The following MMP3 variants were observed in gnomAD, a reference collection of about 807,000 sequenced individuals.
MMP3 encodes matrix metallopeptidase 3.
MMP3 carries 46 observed loss-of-function variants against 47.3 expected under a neutral mutation model. The ratio of observed to expected loss-of-function variants is 0.97; its 90% CI spans 0.77 to 1.24. MMP3 has a LOEUF of 1.24. Among genes scored for constraint, MMP3 ranks in the 50% most tolerant of loss-of-function variants. The pLI is 0.00. For missense variants in MMP3, 558 were observed against 565.5 expected (o/e 0.99, Z 0.13); for synonymous variants, 216 against 206.5 (o/e 1.05, Z -0.39).
In MMP3 at chr11:102,836,593, T is replaced by C. The variant is rs1858886638; in HGVS notation, c.1334-367A>G. On this transcript the variant is annotated intron_variant, in intron 9 of 9. Coordinates refer to ENST00000299855, the MANE Select transcript of MMP3 (RefSeq NM_002422.5). This position sits in a 1 kb window ranked among gnomAD's most constrained non-coding sequence, Gnocchi z 4.6. ...GCTTCCGATCAGATAAATTCTCCAC[T>C]TGCTTGGAAACTCTCATCACCTATT... 1 of 478,602 alleles carries C rather than the reference T, an allele frequency of 2.1e-6. No individual in the cohort carries two copies. Among genetic ancestry groups the C allele is most frequent in the Non-Finnish European group, 4.3e-6 (1 of 232,586 alleles). 29.6% of individuals were successfully genotyped at this position (478,602 alleles called of 1,614,324 possible).
At position 102,837,239 on chromosome 11, in the gene MMP3, C is replaced by G. The variant is rs1377347507; in HGVS notation, c.1333+59G>C. 9 of 1,332,048 alleles carry G rather than the reference C, an allele frequency of 6.8e-6. No individual in the cohort carries two copies. The East Asian group carries it at 1.8e-4, about 27-fold the overall frequency. The allele number at this position is 1,332,048 out of a possible 1,614,324, so 82.5% of individuals were successfully genotyped here. A position where few individuals can be genotyped will look rare whatever the true frequency, so the allele number is the denominator to read the frequency against. On this transcript the variant is annotated intron_variant, in intron 9 of 9. Transcript: ENST00000299855. This position sits in a 1 kb window ranked among gnomAD's most constrained non-coding sequence, Gnocchi z 4.4. ...TAAAAAGTTTCAATGCTCCTCTTCC[C>G]TCTGATATCATAAAATGTTTCAAGT...
chr11:102,839,971 C>T (rs1555005167), intron 6 of MMP3, 137 bp downstream of exon 6: 2 of 939,944 alleles, frequency 2.1e-6, no homozygotes, highest in African/African-American at 3.4e-5. Context: ...AAAGGCAGCA[C>T]CAGATCTAAA....
chr11:102,842,110 A>G (rs1054028172), intron 4 of MMP3, 44 bp downstream of exon 4: 1 of 1,476,370 alleles, frequency 6.8e-7, no homozygotes, highest in Non-Finnish European at 9.0e-7. Context: ...TTCTACATAT[A>G]AAAAAATTAA....
chr11:102,838,179 G>A (rs536033424), intron 8 of MMP3, among the ~76,000 whole-genome samples: 1 of 152,258 alleles, frequency 6.6e-6, no homozygotes, highest in East Asian at 1.9e-4. Context: ...ACGCTAAATT[G>A]CGGTCTGGGT....
chr11:102,840,466 C>T lies in MMP3; in HGVS notation c.753G>A (p.Leu251=), dbSNP rs377725611. ...HSLTDLTRFR[L]SQDDINGIQS... ...GAATGCCATTTATATCATCTTGAGA[C>T]AGGCGGAACCGAGTCAGGTCTGTGA... Residue 251 remains leucine (L), a synonymous_variant, in exon 5 of 10, where the codon CTG becomes CTA. Transcript: ENST00000299855. The T allele has an allele frequency of 8.1e-6, 13 of 1,613,956 alleles. No homozygotes were observed. The highest frequency in any genetic ancestry group is 1.6e-4 in the Middle Eastern group (1 of 6,080).
In MMP3 at chr11:102,838,649, G is replaced by C. The variant is rs41516350; in HGVS notation, c.1131C>G (p.His377Gln). 1 of 1,614,006 alleles carries C rather than the reference G, an allele frequency of 6.2e-7. No individual in the cohort carries two copies. Among genetic ancestry groups the C allele is most frequent in the South Asian group, 1.1e-5 (1 of 91,068 alleles). Residue 377 changes from histidine (H) to glutamine (Q), a missense_variant, in exon 8 of 10, where the codon CAC becomes CAG. By Grantham distance (24) the His-to-Gln change is conservative (BLOSUM62 0). Transcript: ENST00000299855. ...TCACGGTTGGAGGGAAACCTAGGGT[G>C]TGGATGCCTCTTGGGTATCCAGCTC... is the stretch of plus-strand genomic sequence containing the variant. The part of the protein sequence containing the change: ...EVRAGYPRGI[H>Q]TLGFPPTVRK...
At chr11:102,842,408 T>TTTTTTTTTTTTTTTTTTTTC in intron 3 of MMP3, 23 bp downstream of exon 3, 1 of 960,112 alleles carries the variant, frequency 1.0e-6, no homozygotes, top group Non-Finnish European at 1.4e-6. Context: ...GTTTTGCTTT[T>TTTTTTTTTTTTTTTTTTTTC]TTTTTTTTTT....
At chr11:102,842,403 G>C (rs113615057) in intron 3 of MMP3, 28 bp downstream of exon 3, 12 of 918,464 alleles carry the variant, frequency 1.3e-5, no homozygotes, top group Non-Finnish European at 1.3e-5. Context: ...GTTTTGTTTT[G>C]CTTTTTTTTT....
rs568408300 is a variant in MMP3 at position 102,837,075 on chromosome 11, A to G, written c.1333+223T>C. 1.3e-5 allele frequency among the ~76,000 whole-genome samples: 2 copies of G among 152,356 alleles called. No individual in the cohort carries two copies. Among genetic ancestry groups the G allele is most frequent in the African/African-American group, 2.4e-5 (1 of 41,584 alleles). ...GAGCACTTTGATTTTATATGCATGT[A>G]TAAGATAAAGTAGCGAGATTTGTGT... On this transcript the variant is annotated intron_variant, in intron 9 of 9. Coordinates refer to ENST00000299855, the MANE Select transcript of MMP3 (RefSeq NM_002422.5). The surrounding 1 kb of genome is among the most constrained non-coding windows in gnomAD (Gnocchi z 4.4).
At chr11:102,842,942 G>A (rs1859036878) in intron 1 of MMP3, 26 bp from the exon 2 acceptor site, 1 of 1,545,720 alleles carries the variant, frequency 6.5e-7, no homozygotes, top group Non-Finnish European at 8.7e-7. Context: ...TAGTTTTTAG[G>A]TCACTCTTAC....
chr11:102,838,586 G>A lies in MMP3; in HGVS notation c.1194C>T (p.Asn398=). 5 of 1,613,714 alleles carry A rather than the reference G, an allele frequency of 3.1e-6. No homozygotes were observed. Among genetic ancestry groups the A allele is most frequent in the Non-Finnish European group, 4.2e-6 (5 of 1,179,918 alleles). Residue 398 remains asparagine (N), a synonymous_variant, in exon 8 of 10, where the codon AAC becomes AAT. Transcript: ENST00000299855. ...IDAAISDKEK[N]KTYFFVEDKY... Reference sequence around the variant, plus strand: ...TGTCCTCTACAAAGAAATATGTTTTGTTCTTTTCCTTATCAGAAATGGCTG... The same window carrying A: ...TGTCCTCTACAAAGAAATATGTTTTATTCTTTTCCTTATCAGAAATGGCTG...
At chr11:102,839,970 A>G in intron 6 of MMP3, 138 bp downstream of exon 6, 1 of 933,824 alleles carries the variant, frequency 1.1e-6, no homozygotes, top group Non-Finnish European at 1.5e-6. Context: ...AAAAGGCAGC[A>G]CCAGATCTAA....
rs1555005240 is a variant in MMP3, at chr11:102,840,269, G to A, written c.791-17C>T. On this transcript the variant is annotated splice_polypyrimidine_tract_variant and intron_variant, in intron 5 of 9. Transcript: ENST00000299855. ...GGGGAGGTCCTAAAGGGAACATTAG[G>A]GGAAATGTGATACGTTTCAATATAT... 3.7e-6 allele frequency: 6 copies of A among 1,610,686 alleles called. No homozygotes were observed. The highest frequency in any genetic ancestry group is 5.1e-6 in the Non-Finnish European group (6 of 1,178,876).
chr11:102,838,448 TA>T, intron 8 of MMP3, 102 bp downstream of exon 8: 1 of 1,263,350 alleles, frequency 7.9e-7, no homozygotes, highest in Non-Finnish European at 1.1e-6. Flanking sequence ...TCCTTCCTAC[TA>T]AGAGAGAAGC....
rs539510897 is a variant in MMP3, at chr11:102,843,410, C to G, written c.105+32G>C. 9 of 1,534,708 alleles carry G rather than the reference C, an allele frequency of 5.9e-6. No individual in the cohort carries two copies. In the South Asian group the frequency reaches 1.0e-4, roughly 17 times the overall value. ...TGGTTTCAGCTTACTCTGGAAGCTCCCCACCTGGCCAGGTCAGTTAGTGTT... is the reference window on the plus strand; with the variant it reads ...TGGTTTCAGCTTACTCTGGAAGCTCGCCACCTGGCCAGGTCAGTTAGTGTT... On this transcript the variant is annotated intron_variant, in intron 1 of 9. Transcript: ENST00000299855.
intron 4 of MMP3, among the ~76,000 whole-genome samples, chr11:102,841,592 C>G (rs1320796154): frequency 4.6e-5 from 7 of 151,624 alleles, no homozygotes; most frequent in African/African-American, 1.7e-4. Context: ...CAGTTATGAA[C>G]TGAGAAACAT....
intron 4 of MMP3, 36 bp downstream of exon 4, chr11:102,842,118 T>C: frequency 6.7e-7 from 1 of 1,488,964 alleles, no homozygotes; most frequent in Non-Finnish European, 9.0e-7. Flanking sequence ...ATAAAAAAAT[T>C]AATGCCAAAA....
Position 102,842,933 on chromosome 11 carries a change from AG to A in MMP3, c.106-18del. ...TAGATATTTCTAACAGAATAAGTAT[AG>A]TTTTTAGGTCACTCTTACAATTTTT... On this transcript the variant is annotated intron_variant, in intron 1 of 9. Transcript: ENST00000299855. 5 of 1,564,922 alleles carry A rather than the reference AG, an allele frequency of 3.2e-6. No individual in the cohort carries two copies. The highest frequency in any genetic ancestry group is 4.3e-6 in the Non-Finnish European group (5 of 1,154,198).
rs1224978382 is a variant in MMP3, at chr11:102,836,662, G to A, written c.1334-436C>T. ...CCTCCTCCCTTTTCCCTGCATTGCA[G>A]CCTAGGAAGCACAGCAACTATTTCA... On this transcript the variant is annotated intron_variant, in intron 9 of 9. Coordinates refer to ENST00000299855, the MANE Select transcript of MMP3 (RefSeq NM_002422.5). This position sits in a 1 kb window ranked among gnomAD's most constrained non-coding sequence, Gnocchi z 4.6. 5 of 427,192 alleles carry A rather than the reference G, an allele frequency of 1.2e-5. No individual in the cohort carries two copies. The East Asian group carries it at 3.5e-4, about 30-fold the overall frequency. 26.5% of individuals were successfully genotyped at this position (427,192 alleles called of 1,614,324 possible).
Sources: gnomAD v4.1 joint callset for allele counts (sites outside exome capture counted in the v4.1 genomes callset) on GRCh38, gnomAD v4.1.1 for gene constraint, Gnocchi (gnomAD v3.1) non-coding constraint, MANE v1.5 for transcripts, NCBI Gene and HGNC (gene_info 2026-07-23, HGNC 2026-07-21) for gene names.